Variants in RNF144A observed in about 807,000 individuals in gnomAD.
The protein encoded by RNF144A is E3 ubiquitin-protein ligase RNF144A.
Under a neutral mutation model 38.7 loss-of-function variants are expected in RNF144A, and 11 were observed. That is an observed-to-expected ratio of 0.28 (90% CI 0.18 to 0.47). The LOEUF is 0.47. Ranked by LOEUF, RNF144A falls within the 20% of genes least tolerant of loss-of-function variation. The probability of loss-of-function intolerance (pLI) is 0.99; values close to 1 mark genes in which losing one functional copy is unlikely to be tolerated. For synonymous variants in RNF144A, 149 were observed against 143.9 expected (o/e 1.04, Z -0.25); for missense variants, 316 against 377.2 (o/e 0.84, Z 1.34).
At chr2:6,963,130 A>T (rs1011994326) in intron 2 of RNF144A, among the ~76,000 whole-genome samples, 3 of 152,160 alleles carry the variant, frequency 2.0e-5, no homozygotes, top group Admixed American at 6.5e-5. Context: ...CCACAGAGAG[A>T]GACTGAGACC....
At chr2:7,045,458 T>C (rs952730819), downstream of RNF144A, among the ~76,000 whole-genome samples, 1 of 152,170 alleles carries the variant, frequency 6.6e-6, no homozygotes, top group Non-Finnish European at 1.5e-5. Context: ...CTGGTACTGC[T>C]GGCAGTCCTG....
At position 7,023,118 on chromosome 2, in the gene RNF144A, A is replaced by G. The variant is rs553557450; in HGVS notation, c.510-1251A>G. On this transcript the variant is annotated intron_variant, in intron 6 of 8. Coordinates refer to ENST00000320892, the MANE Select transcript of RNF144A (RefSeq NM_014746.6). ...TGCAGATGAGACACGTAACACATAA[A>G]TCGCACAGCTAGGATCTGTCTGTCT... Among the ~76,000 whole-genome samples the G allele has an allele frequency of 5.3e-5, 8 of 152,292 alleles. No homozygotes were observed. In the South Asian group the frequency reaches 1.0e-3, roughly 20 times the overall value.
rs916372349 is a variant in RNF144A at position 6,958,683 on chromosome 2, T to G, written c.-12+17536T>G. On this transcript the variant is annotated intron_variant, in intron 2 of 8. Transcript: ENST00000320892. The surrounding 1 kb of genome is among the most constrained non-coding windows in gnomAD (Gnocchi z 4.5). ...TCATGATTCTGGGGGACTGTCCACG[T>G]GACCGTAATCTATTTCCCAGAGGGT... 2.0e-5 allele frequency among the ~76,000 whole-genome samples: 3 copies of G among 152,206 alleles called. No homozygotes were observed. The highest frequency in any genetic ancestry group is 4.8e-5 in the African/African-American group (2 of 41,462).
chr2:6,974,863 T>A (rs1388426709), intron 2 of RNF144A, among the ~76,000 whole-genome samples: 2 of 152,214 alleles, frequency 1.3e-5, no homozygotes, highest in African/African-American at 4.8e-5. Context: ...TATTTGGAAT[T>A]TTTTTGGTAA....
Position 6,924,429 on chromosome 2 carries a change from C to T in RNF144A, c.-212+6807C>T, listed in dbSNP as rs930537660. Among the ~76,000 whole-genome samples the T allele has an allele frequency of 2.6e-5, 4 of 152,216 alleles. 1 individual carries two copies. The highest frequency in any genetic ancestry group is 2.6e-4 in the Admixed American group (4 of 15,282). On this transcript the variant is annotated intron_variant, in intron 1 of 8. Coordinates refer to ENST00000320892, the MANE Select transcript of RNF144A (RefSeq NM_014746.6). ...TGAATGTGCCCATCCGAGCGCATGT[C>T]CTGGGAGTCTGGTGAGGAAGCGATT...
chr2:7,001,332 C>A (rs1288120039), intron 3 of RNF144A, among the ~76,000 whole-genome samples: 2 of 150,296 alleles, frequency 1.3e-5, no homozygotes, highest in East Asian at 2.0e-4. Context: ...AAGTGAAACT[C>A]CATCTCAATA....
chr2:6,982,995 A>G (rs187696718), intron 2 of RNF144A, among the ~76,000 whole-genome samples: 1 of 152,340 alleles, frequency 6.6e-6, no homozygotes, highest in East Asian at 1.9e-4. Context: ...CTAAAGGTAG[A>G]AATAAGAATC....
At chr2:7,050,235 G>A (rs1429223733) in intron 6 of RNF144A, among the ~76,000 whole-genome samples, 1 of 152,130 alleles carries the variant, frequency 6.6e-6, no homozygotes, top group Non-Finnish European at 1.5e-5. Flanking sequence ...AACCATGGTG[G>A]TGGTTTCCCC....
Position 6,983,350 on chromosome 2 carries a change from G to A in RNF144A, c.-11-13566G>A, listed in dbSNP as rs545213927. 9.2e-5 allele frequency among the ~76,000 whole-genome samples: 14 copies of A among 152,222 alleles called. No homozygotes were observed. In the East Asian group the frequency reaches 2.5e-3, roughly 27 times the overall value. ...GTTGTCTTTCTAGAACAATCCCTGGGGGACTGTGGATCTCTATGAGCTCAG... is the reference window on the plus strand; with the variant it reads ...GTTGTCTTTCTAGAACAATCCCTGGAGGACTGTGGATCTCTATGAGCTCAG... On this transcript the variant is annotated intron_variant, in intron 2 of 8. Transcript: ENST00000320892.
chr2:6,953,832 A>C (rs948578755), intron 2 of RNF144A, among the ~76,000 whole-genome samples: 45 of 152,300 alleles, frequency 3.0e-4, no homozygotes, highest in African/African-American at 1.0e-3. Context: ...TTAAAGTCAT[A>C]TATAATGAGT....
At chr2:6,948,346 C>A (rs1666471027) in intron 2 of RNF144A, among the ~76,000 whole-genome samples, 1 of 152,170 alleles carries the variant, frequency 6.6e-6, no homozygotes, top group African/African-American at 2.4e-5. Context: ...TTGGATCCTG[C>A]CCAGAGGTCT....
intron 3 of RNF144A, among the ~76,000 whole-genome samples, chr2:7,002,939 C>T (rs1670205588): frequency 3.9e-5 from 6 of 151,952 alleles, no homozygotes; most frequent in Admixed American, 3.9e-4. Context: ...ATGATCCTGA[C>T]CCTGTGTAGG....
chr2:6,985,270 C>CT (rs748540904), intron 2 of RNF144A, among the ~76,000 whole-genome samples: 6,900 of 104,406 alleles, frequency 0.066, 231 homozygotes, highest in Admixed American at 0.084. Context: ...CCTCCCCCCT[C>CT]TTTTTTTTTT....
intron 6 of RNF144A, chr2:7,068,207 C>T (rs1262221528): frequency 1.6e-6 from 2 of 1,289,462 alleles, no homozygotes; most frequent in Non-Finnish European, 2.1e-6. Context: ...GTAAGGTTTT[C>T]TTTAACAGGG....
intron 2 of RNF144A, among the ~76,000 whole-genome samples, chr2:6,966,364 A>G (rs547715612): frequency 1.3e-5 from 2 of 152,340 alleles, no homozygotes; most frequent in African/African-American, 4.8e-5. Context: ...GGAATATTTT[A>G]AAGTTTGAGT....
intron 3 of RNF144A, among the ~76,000 whole-genome samples, chr2:7,012,600 C>T (rs1670888868): frequency 6.6e-6 from 1 of 152,184 alleles, no homozygotes; most frequent in African/African-American, 2.4e-5. Flanking sequence ...AATGGTTCAC[C>T]ACTCTAGTAG....
chr2:6,952,336 A>G (rs1666738355), intron 2 of RNF144A, among the ~76,000 whole-genome samples: 1 of 150,024 alleles, frequency 6.7e-6, no homozygotes, highest in South Asian at 2.1e-4. Context: ...CTCATGAGAG[A>G]GTTTGGCCTA....
In RNF144A at chr2:6,941,925, G is replaced by C. The variant is rs756699924; in HGVS notation, c.-12+778G>C. Among the ~76,000 whole-genome samples the C allele has an allele frequency of 3.3e-5, 5 of 152,396 alleles. No homozygotes were observed. Among genetic ancestry groups the C allele is most frequent in the Non-Finnish European group, 7.3e-5 (5 of 68,044 alleles). ...GCTGGGACTGGGCAGGGCATAGTGG[G>C]ACCTGGCTGTGCCTGCCATTGCAGG... On this transcript the variant is annotated intron_variant, in intron 2 of 8. Transcript: ENST00000320892. The surrounding 1 kb of genome is among the most constrained non-coding windows in gnomAD (Gnocchi z 6.5).
At chr2:6,959,860 T>C (rs533553472) in intron 2 of RNF144A, among the ~76,000 whole-genome samples, 13 of 152,304 alleles carry the variant, frequency 8.5e-5, no homozygotes, top group African/African-American at 2.6e-4. Flanking sequence ...ATTGAAACCA[T>C]AGCACTGGAG....
Sources: gnomAD v4.1 joint callset for allele counts (sites outside exome capture counted in the v4.1 genomes callset) on GRCh38, gnomAD v4.1.1 for gene constraint, Gnocchi (gnomAD v3.1) non-coding constraint, MANE v1.5 for transcripts, NCBI Gene and HGNC (gene_info 2026-07-23, HGNC 2026-07-21) for gene names.